AKT3: variants seen among roughly 807,000 people sequenced by gnomAD.
The protein encoded by AKT3 is AKT serine/threonine kinase 3, also known as RAC-gamma serine/threonine-protein kinase.
A neutral mutation model predicts 65.3 loss-of-function variants in AKT3; 15 were observed. The ratio of observed to expected loss-of-function variants is 0.23; its 90% confidence interval spans 0.15 to 0.35. AKT3 has a LOEUF of 0.35. Ranked by LOEUF, AKT3 falls within the 10% of genes least tolerant of loss-of-function variation. AKT3 has a pLI of 1.00. For missense variants in AKT3, 243 were observed against 576.5 expected (o/e 0.42, Z 5.92); for synonymous variants, 206 against 183.8 (o/e 1.12, Z -0.98).
intron 12 of AKT3, among the ~76,000 whole-genome samples, chr1:243,517,808 C>T (rs551373456): frequency 2.0e-5 from 3 of 152,186 alleles, no homozygotes; most frequent in African/African-American, 4.8e-5. Context: ...ATTATTGATA[C>T]GAGTAAGATT....
intron 3 of AKT3, among the ~76,000 whole-genome samples, chr1:243,665,881 C>T (rs1682732497): frequency 2.0e-5 from 3 of 152,132 alleles, no homozygotes; most frequent in Admixed American, 2.0e-4. Flanking sequence ...TAATTTATCT[C>T]CGTTGAAAAC....
intron 12 of AKT3, among the ~76,000 whole-genome samples, chr1:243,524,526 T>G (rs938065140): frequency 6.6e-6 from 1 of 152,246 alleles, no homozygotes; most frequent in African/African-American, 2.4e-5. Flanking sequence ...GGAACAGCCA[T>G]GAATTATGTT....
At chr1:243,575,952 T>C (rs1363161210) in intron 8 of AKT3, among the ~76,000 whole-genome samples, 3 of 151,948 alleles carry the variant, frequency 2.0e-5, no homozygotes, top group Non-Finnish European at 2.9e-5. Context: ...ATAATAGGAC[T>C]TCTGGAAAAA....
chr1:243,625,396 G>T (rs896206755), intron 6 of AKT3, among the ~76,000 whole-genome samples: 1 of 151,878 alleles, frequency 6.6e-6, no homozygotes. Context: ...GCCTCCCAAC[G>T]TACTGGGATT....
chr1:243,770,690 G>C (rs1346907611), intron 2 of AKT3, among the ~76,000 whole-genome samples: 1 of 148,614 alleles, frequency 6.7e-6, no homozygotes, highest in African/African-American at 2.5e-5. Flanking sequence ...TTGTGTTTGA[G>C]AGATACCTAG....
intron 2 of AKT3, among the ~76,000 whole-genome samples, chr1:243,785,335 C>T (rs1210230878): frequency 6.6e-6 from 1 of 151,928 alleles, no homozygotes; most frequent in Non-Finnish European, 1.5e-5. Flanking sequence ...GCCTCGGCCT[C>T]CCAAAGTGTT....
At chr1:243,616,350 T>C (rs942865432) in intron 6 of AKT3, among the ~76,000 whole-genome samples, 1 of 138,090 alleles carries the variant, frequency 7.2e-6, no homozygotes. Flanking sequence ...ACCCTCCTAC[T>C]GTAGGTGATC....
intron 2 of AKT3, among the ~76,000 whole-genome samples, chr1:243,747,262 T>C (rs1359601378): frequency 6.6e-6 from 1 of 152,076 alleles, no homozygotes; most frequent in Non-Finnish European, 1.5e-5. Flanking sequence ...TGCAAAGAAA[T>C]GAACACTTTT....
At chr1:243,789,927 A>C (rs1262139467) in intron 2 of AKT3, among the ~76,000 whole-genome samples, 1 of 152,198 alleles carries the variant, frequency 6.6e-6, no homozygotes, top group Non-Finnish European at 1.5e-5. Context: ...TTTTGAAAGG[A>C]ATCTTTCTGA....
intron 3 of AKT3, among the ~76,000 whole-genome samples, chr1:243,683,341 C>T (rs1371672409): frequency 6.6e-6 from 1 of 152,052 alleles, no homozygotes. Context: ...TAATAACCCT[C>T]AATAAAAACT....
chr1:243,800,457 C>T (rs1054731232), intron 2 of AKT3, among the ~76,000 whole-genome samples: 1 of 152,178 alleles, frequency 6.6e-6, no homozygotes, highest in Non-Finnish European at 1.5e-5. Flanking sequence ...CAGTGGCTCA[C>T]GCCTGTAATG....
chr1:243,817,199 T>C (rs945296876), intron 2 of AKT3, among the ~76,000 whole-genome samples: 2 of 152,088 alleles, frequency 1.3e-5, no homozygotes, highest in Non-Finnish European at 2.9e-5. Context: ...CCCTTCTAAG[T>C]GCACCCATAG....
chr1:243,624,301 A>G (rs1271037407), intron 6 of AKT3, among the ~76,000 whole-genome samples: 1 of 152,232 alleles, frequency 6.6e-6, no homozygotes, highest in Non-Finnish European at 1.5e-5. Context: ...AAGGACTTAG[A>G]TCACTGGATA....
Position 243,572,908 on chromosome 1 carries a change from C to CTTT in AKT3, c.819+15_819+17dup. On this transcript the variant is annotated intron_variant, in intron 9 of 13. Transcript: ENST00000673466. ...TCTCTGCAAAAACAAATTTTGATTA[C>CTTT]TTTTTTTTTTTTTTTACCTTGAGAT... is the stretch of plus-strand genomic sequence containing the variant. 9.3e-6 allele frequency: 14 copies of CTTT among 1,503,856 alleles called. No homozygotes were observed. The highest frequency in any genetic ancestry group is 6.2e-5 in the South Asian group (5 of 80,288). The allele number at this position is 1,503,856 out of a possible 1,614,324, so 93.2% of individuals were successfully genotyped here.
intron 12 of AKT3, among the ~76,000 whole-genome samples, chr1:243,544,298 C>T (rs1298753409): frequency 6.7e-6 from 1 of 149,404 alleles, no homozygotes; most frequent in Non-Finnish European, 1.5e-5. Context: ...TAATAATTTC[C>T]TGCTCCTGAA....
chr1:243,642,520 A>C (rs542063071), intron 5 of AKT3, among the ~76,000 whole-genome samples: 2 of 152,136 alleles, frequency 1.3e-5, no homozygotes, highest in African/African-American at 2.4e-5. Flanking sequence ...CGTGTTAGCC[A>C]GGATGGTCTC....
At chr1:243,627,639 C>T (rs1241764680) in intron 6 of AKT3, among the ~76,000 whole-genome samples, 1 of 152,170 alleles carries the variant, frequency 6.6e-6, no homozygotes, top group Non-Finnish European at 1.5e-5. Flanking sequence ...AGGAATACCA[C>T]AGGCTGGAGG....
intron 4 of AKT3, among the ~76,000 whole-genome samples, chr1:243,661,002 G>C (rs953847181): frequency 2.5e-4 from 38 of 152,166 alleles, no homozygotes; most frequent in African/African-American, 8.7e-4. Context: ...ACTTACAAGG[G>C]ATGTGAAGGA....
downstream of AKT3, among the ~76,000 whole-genome samples, chr1:243,495,789 A>G (rs1218375629): frequency 1.3e-5 from 2 of 152,174 alleles, no homozygotes; most frequent in Non-Finnish European, 2.9e-5. Context: ...GTGGCGAGCC[A>G]GAGCTCACGT....
Sources: allele counts gnomAD v4.1 joint callset (sites outside exome capture counted in the v4.1 genomes callset), GRCh38; gene constraint gnomAD v4.1.1; transcripts MANE v1.5; gene names NCBI Gene and HGNC (gene_info 2026-07-23, HGNC 2026-07-21).